The following RARB variants were observed in gnomAD, a reference collection of about 807,000 sequenced individuals.
RARB encodes the protein retinoic acid receptor beta, also known as HBV-activated protein.
RARB carries 17 observed loss-of-function variants against 51.9 expected under a neutral mutation model. The observed-to-expected ratio is 0.33, with a 90% CI of 0.22 to 0.49. The LOEUF (loss-of-function observed/expected upper bound fraction) is 0.49. RARB is among the 20% of genes least tolerant of loss of function. The pLI, the probability that RARB is intolerant of heterozygous loss-of-function variation, is 0.99. For synonymous variants in RARB, 215 were observed against 195.4 expected, an observed-to-expected ratio of 1.10 and a Z score of -0.84; for missense variants, 369 against 550.8, an observed-to-expected ratio of 0.67 and a Z score of 3.30.
At chr3:25,463,711 A>G (rs1575428031) in intron 2 of RARB, among the ~76,000 whole-genome samples, 1 of 152,020 alleles carries the variant, frequency 6.6e-6, no homozygotes, top group South Asian at 2.1e-4. Context: ...TCAGCCCCTC[A>G]AAGTAATTTT....
rs1307394603 is a variant in RARB, at chr3:24,966,685, C to T, written c.-379-93440C>T. Among the ~76,000 whole-genome samples the T allele has an allele frequency of 2.0e-5, 3 of 151,144 alleles. No individual in the cohort carries two copies. The East Asian group carries it at 5.8e-4, about 29-fold the overall frequency. Reference sequence around the variant, plus strand: ...GAAGCAGAACAGTAAAGACATTGGGCAGATGTTTAACAGACCAGGGTGTTG... The same window carrying T: ...GAAGCAGAACAGTAAAGACATTGGGTAGATGTTTAACAGACCAGGGTGTTG... On this transcript the variant is annotated intron_variant, in intron 2 of 11. Coordinates refer to the RARB transcript ENST00000383772.
rs1011718505 is a variant in RARB, at chr3:25,159,446, T to C, written c.-279-14673T>C. 3.3e-5 allele frequency among the ~76,000 whole-genome samples: 5 copies of C among 149,644 alleles called. No individual in the cohort carries two copies. The East Asian group carries it at 9.8e-4, about 29-fold the overall frequency. ...GCTCCCCCTCAGCCTCCCAAAGTGC[T>C]GGGATTACAGGCGTGAGCCACCGTG... On this transcript the variant is annotated intron_variant, in intron 4 of 11. Coordinates refer to the RARB transcript ENST00000383772.
chr3:24,937,241 C>G (rs1427288474), intron 2 of RARB, among the ~76,000 whole-genome samples: 1 of 152,112 alleles, frequency 6.6e-6, no homozygotes, highest in Non-Finnish European at 1.5e-5. Flanking sequence ...TGTAACACAT[C>G]TCCATTCTCT....
intron 2 of RARB, chr3:25,020,377 T>A (rs1697608057): frequency 6.6e-6 from 1 of 152,014 alleles, no homozygotes; most frequent in Non-Finnish European, 1.5e-5. Context: ...CAAAGTGCAC[T>A]ACAGCCCAGG....
intron 5 of RARB, among the ~76,000 whole-genome samples, chr3:25,350,325 T>C (rs1705524040): frequency 6.6e-6 from 1 of 152,138 alleles, no homozygotes; most frequent in African/African-American, 2.4e-5. Context: ...TTGCATTCCA[T>C]ACCACAATCA....
chr3:25,430,676 C>G (rs562801428), intron 1 of RARB, among the ~76,000 whole-genome samples: 2 of 152,122 alleles, frequency 1.3e-5, no homozygotes, highest in East Asian at 1.9e-4. Flanking sequence ...CTAAAACTAC[C>G]CGATAAGCAA....
chr3:25,038,145 G>A (rs1222610485), intron 2 of RARB, among the ~76,000 whole-genome samples: 4 of 152,166 alleles, frequency 2.6e-5, no homozygotes, highest in African/African-American at 7.2e-5. Flanking sequence ...TGGATGGTCT[G>A]TAAGTGAAGG....
chr3:25,420,102 G>A lies in RARB; in HGVS notation c.179-41091G>A, dbSNP rs116079120. 2.9e-3 allele frequency among the ~76,000 whole-genome samples: 441 copies of A among 152,122 alleles called. 2 individuals carry two copies. The highest frequency in any genetic ancestry group is 5.1e-3 in the Non-Finnish European group (345 of 67,994). On this transcript the variant is annotated intron_variant, in intron 5 of 11. Transcript: ENST00000383772. Reference sequence around the variant, plus strand: ...ATTCACATTACCTGTGTGTGTGTGCGCGCGTGTGTGTGTATAATGTGCTTT... The same window carrying A: ...ATTCACATTACCTGTGTGTGTGTGCACGCGTGTGTGTGTATAATGTGCTTT...
chr3:25,334,337 A>G (rs1287245008), intron 5 of RARB, among the ~76,000 whole-genome samples: 3 of 152,240 alleles, frequency 2.0e-5, no homozygotes, highest in Non-Finnish European at 2.9e-5. Flanking sequence ...ACCATGGAAT[A>G]CTATGCAGCC....
chr3:25,202,614 C>T (rs1368193220), intron 5 of RARB, among the ~76,000 whole-genome samples: 1 of 152,178 alleles, frequency 6.6e-6, no homozygotes, highest in Non-Finnish European at 1.5e-5. Flanking sequence ...AAATGTGTCC[C>T]AGAGATTCTG....
intron 2 of RARB, among the ~76,000 whole-genome samples, chr3:24,979,817 C>T (rs4621295): frequency 0.033 from 5,008 of 152,048 alleles, 268 homozygotes; most frequent in African/African-American, 0.11. Flanking sequence ...CCTGTCATTA[C>T]GATGCTAGTT....
chr3:25,541,993 A>G (rs1699403338), intron 3 of RARB, among the ~76,000 whole-genome samples: 1 of 152,166 alleles, frequency 6.6e-6, no homozygotes, highest in South Asian at 2.1e-4. Context: ...GGAAGAAAGG[A>G]TGTAAGAGAG....
intron 2 of RARB, among the ~76,000 whole-genome samples, chr3:24,895,656 C>T (rs1267487532): frequency 1.3e-5 from 2 of 151,240 alleles, no homozygotes; most frequent in African/African-American, 2.4e-5. Context: ...CTCTTTCACC[C>T]AGGCTGGGTC....
intron 2 of RARB, among the ~76,000 whole-genome samples, chr3:24,968,855 A>G (rs1249649365): frequency 6.6e-6 from 1 of 152,170 alleles, no homozygotes; most frequent in Non-Finnish European, 1.5e-5. Flanking sequence ...AAGGAAACAT[A>G]TGTAAATGAG....
intron 3 of RARB, among the ~76,000 whole-genome samples, chr3:25,551,742 A>G (rs750711499): frequency 1.4e-4 from 22 of 152,036 alleles, no homozygotes; most frequent in Non-Finnish European, 2.6e-4. Context: ...GGCTAGGGAC[A>G]CTCCCAGAGA....
intron 2 of RARB, among the ~76,000 whole-genome samples, chr3:24,981,518 C>T (rs1696672675): frequency 6.6e-6 from 1 of 152,200 alleles, no homozygotes; most frequent in Non-Finnish European, 1.5e-5. Context: ...CACCACACTT[C>T]AGTGTCCCAG....
intron 4 of RARB, among the ~76,000 whole-genome samples, chr3:25,143,083 T>C (rs74575419): frequency 0.011 from 1,682 of 152,184 alleles, 28 homozygotes; most frequent in African/African-American, 0.038. Context: ...TAGCCTGGAG[T>C]ATCCAGTGAT....
In RARB at chr3:25,502,915, C is replaced by T. The variant is rs188743792; in HGVS notation, c.448+1592C>T. Among the ~76,000 whole-genome samples, 314 of 152,314 alleles carry T rather than the reference C, an allele frequency of 2.1e-3. 3 individuals are homozygous for T. The highest frequency in any genetic ancestry group is 7.2e-3 in the African/African-American group (301 of 41,568). On this transcript the variant is annotated intron_variant, in intron 3 of 7. Transcript: ENST00000330688. ...AGCCAACCCTATGAAACCACTGCCT[C>T]CAGGTCGTTTTGTTATATCTGCCAA...
At chr3:25,156,606 G>A (rs1400972792) in intron 4 of RARB, among the ~76,000 whole-genome samples, 1 of 139,898 alleles carries the variant, frequency 7.1e-6, no homozygotes, top group Non-Finnish European at 1.5e-5. Flanking sequence ...TGTCCACAGA[G>A]AACAAAACAG....
Sources: allele counts gnomAD v4.1 joint callset (sites outside exome capture counted in the v4.1 genomes callset), GRCh38; gene constraint gnomAD v4.1.1; transcripts MANE v1.5; gene names NCBI Gene and HGNC (gene_info 2026-07-23, HGNC 2026-07-21).